The following ELAC1 variants were observed in gnomAD, a reference collection of about 807,000 sequenced individuals.
ELAC1 encodes the protein zinc phosphodiesterase ELAC protein 1.
ELAC1 carries 19 observed loss-of-function variants against 25.8 expected under a neutral mutation model. The ratio of observed to expected loss-of-function variants is 0.74; its 90% CI spans 0.51 to 1.08. The LOEUF (loss-of-function observed/expected upper bound fraction) is 1.08. Ranked by LOEUF, ELAC1 falls within the 50% of genes least tolerant of loss-of-function variation. The probability of loss-of-function intolerance (pLI) is 0.00; values close to 1 mark genes in which losing one functional copy is unlikely to be tolerated. For synonymous variants in ELAC1, 148 were observed against 160.9 expected (o/e 0.92, Z 0.61); for missense variants, 403 against 434.6 (o/e 0.93, Z 0.65).
In ELAC1 at chr18:50,974,577, G is replaced by A; in HGVS notation, c.157+16G>A. On this transcript the variant is annotated intron_variant, in intron 2 of 3. Coordinates refer to ENST00000269466, the MANE Select transcript of ELAC1 (RefSeq NM_018696.3). The stretch of plus-strand genomic sequence containing the variant: ...CTTAAAGCAGGTTAGTGTGCCTTCA[G>A]CTATCTCATTAAGATTTTTTTGTTG... 1 of 1,612,782 alleles carries A rather than the reference G, an allele frequency of 6.2e-7. No individual in the cohort carries two copies. The highest frequency in any genetic ancestry group is 8.5e-7 in the Non-Finnish European group (1 of 1,179,182).
rs1158598557 is a variant in ELAC1, at chr18:50,988,107, T to C, written c.*1022T>C. The C allele has an allele frequency of 6.6e-6, 1 of 152,236 alleles. No individual in the cohort carries two copies. Among genetic ancestry groups the C allele is most frequent in the African/African-American group, 2.4e-5 (1 of 41,458 alleles). The allele number at this position is 152,236 out of a possible 1,614,324, so 9.4% of individuals were successfully genotyped here. ...ATTGACGTGTCCCTATTAATAAACG[T>C]TATTTGCCCCACAATGTTTCTTAAA... On this transcript the variant is annotated 3_prime_UTR_variant, in exon 4 of 4. Transcript: ENST00000269466.
rs1908042142 is a variant in ELAC1, at chr18:50,984,347, G to C, written c.409G>C (p.Glu137Gln). The stretch of plus-strand genomic sequence containing the variant: ...TCAATGTCCTGCAGAAGAACTAAAA[G>C]AATTTGCGCATGTGAATAGAGCAGA... Reference protein sequence around the residue: ...ADQCPAEELKEFAHVNRADSP... With the variant: ...ADQCPAEELKQFAHVNRADSP... Residue 137 changes from glutamate (E) to glutamine (Q), a missense_variant, in exon 3 of 4, where the codon GAA (glutamate) becomes CAA (glutamine). Physicochemically the swap from Glu to Gln is conservative, Grantham distance 29 (BLOSUM62 2). Coordinates refer to ENST00000269466, the MANE Select transcript of ELAC1 (RefSeq NM_018696.3). The C allele has an allele frequency of 6.2e-7, 1 of 1,614,116 alleles. No homozygotes were observed. Among genetic ancestry groups the C allele is most frequent in the Non-Finnish European group, 8.5e-7 (1 of 1,180,044 alleles).
intron 2 of ELAC1, among the ~76,000 whole-genome samples, chr18:50,978,948 G>T (rs572777280): frequency 1.3e-5 from 2 of 152,294 alleles, no homozygotes; most frequent in Admixed American, 6.5e-5. Context: ...TAATTCAGGT[G>T]CTATTCTTTG....
chr18:50,969,356 A>G (rs1242488753), intron 1 of ELAC1: 2 of 152,212 alleles, frequency 1.3e-5, no homozygotes, highest in African/African-American at 2.4e-5. Context: ...ATAAGCAGGT[A>G]TTTAGACCTG....
In ELAC1 at chr18:50,987,319, A is replaced by G. The variant is rs887184167; in HGVS notation, c.*234A>G. On this transcript the variant is annotated 3_prime_UTR_variant, in exon 4 of 4. Transcript: ENST00000269466. ...CTTTTTGAAGTCCAGATTTGTCAAA[A>G]TGATAGACTATTCAGTTATACATCT... 2.6e-5 allele frequency: 10 copies of G among 385,114 alleles called. No homozygotes were observed. The highest frequency in any genetic ancestry group is 2.1e-4 in the African/African-American group (10 of 48,644). The allele number at this position is 385,114 out of a possible 1,614,324, so 23.9% of individuals were successfully genotyped here.
chr18:50,968,261 T>C (rs1315787667), intron 1 of ELAC1, 147 bp downstream of exon 1: 1 of 151,418 alleles, frequency 6.6e-6, no homozygotes, highest in African/African-American at 2.4e-5. Flanking sequence ...CGGGCCGGAG[T>C]CTCGGCGGGC....
intron 2 of ELAC1, among the ~76,000 whole-genome samples, chr18:50,981,452 A>G (rs568795903): frequency 1.3e-5 from 2 of 152,250 alleles, no homozygotes; most frequent in East Asian, 1.9e-4. Flanking sequence ...AATCCAGTCA[A>G]TATACCTATG....
chr18:50,969,483 C>G (rs967662677), intron 1 of ELAC1: 19 of 152,190 alleles, frequency 1.2e-4, no homozygotes, highest in African/African-American at 4.6e-4. Flanking sequence ...CTTTGTGGAC[C>G]TTTTATGTAC....
chr18:50,973,195 A>T (rs4940033), intron 1 of ELAC1, among the ~76,000 whole-genome samples: 1 of 152,166 alleles, frequency 6.6e-6, no homozygotes, highest in East Asian at 1.9e-4. Context: ...GTTTTTGTAT[A>T]TTTTATATCT....
intron 3 of ELAC1, among the ~76,000 whole-genome samples, 174 bp from the exon 4 acceptor site, chr18:50,986,445 C>T (rs1908110093): frequency 6.6e-6 from 1 of 152,178 alleles, no homozygotes; most frequent in Admixed American, 6.5e-5. Flanking sequence ...TTGCTAATAT[C>T]AATCAACACT....
At chr18:50,973,125 G>A (rs561388301) in intron 1 of ELAC1, among the ~76,000 whole-genome samples, 8 of 152,216 alleles carry the variant, frequency 5.3e-5, no homozygotes, top group African/African-American at 1.7e-4. Context: ...TCTTAGAATG[G>A]GTTTTTCCCC....
intron 1 of ELAC1, among the ~76,000 whole-genome samples, chr18:50,970,895 T>C (rs1907634182): frequency 6.6e-6 from 1 of 152,094 alleles, no homozygotes; most frequent in Admixed American, 6.6e-5. Flanking sequence ...TTTCTCTGTC[T>C]TACATAAATG....
rs192831184 is a variant in ELAC1 at position 50,971,784 on chromosome 18, C to T, written c.-8-2613C>T. 5.9e-4 allele frequency among the ~76,000 whole-genome samples: 89 copies of T among 150,974 alleles called. 1 individual carries two copies. In the East Asian group the frequency reaches 0.014, roughly 23 times the overall value. ...AACTTAAATTTTTTAAATAGATACA[C>T]GATAGTTGTTTGAACCCTTTTCATG... On this transcript the variant is annotated intron_variant, in intron 1 of 3. Transcript: ENST00000269466.
chr18:50,987,185 C>A lies in ELAC1; in HGVS notation c.*100C>A. On this transcript the variant is annotated 3_prime_UTR_variant, in exon 4 of 4. Coordinates refer to ENST00000269466, the MANE Select transcript of ELAC1 (RefSeq NM_018696.3). ...TTGTTTTAGTCTGAAATTATTTGGG[C>A]CCTAATAATCCTAAAAAGAATGGAG... 2 of 871,264 alleles carry A rather than the reference C, an allele frequency of 2.3e-6. No homozygotes were observed. The highest frequency in any genetic ancestry group is 3.2e-6 in the Non-Finnish European group (2 of 615,954). The allele number at this position is 871,264 out of a possible 1,614,324, so 54.0% of individuals were successfully genotyped here. A position where few individuals can be genotyped will look rare whatever the true frequency, so the allele number is the denominator to read the frequency against.
chr18:50,984,613 CT>C, intron 3 of ELAC1, 50 bp downstream of exon 3: 8 of 1,252,896 alleles, frequency 6.4e-6, no homozygotes, highest in Non-Finnish European at 9.1e-6. Context: ...ATCAATAGGG[CT>C]CCTGTTGACT....
At chr18:50,972,649 A>C (rs1907698260) in intron 1 of ELAC1, among the ~76,000 whole-genome samples, 1 of 151,972 alleles carries the variant, frequency 6.6e-6, no homozygotes, top group South Asian at 2.1e-4. Context: ...TGCACGACTA[A>C]TTTTTGTATT....
chr18:50,985,783 A>T (rs1253318451), intron 3 of ELAC1, among the ~76,000 whole-genome samples: 4 of 152,160 alleles, frequency 2.6e-5, no homozygotes, highest in Admixed American at 2.0e-4. Flanking sequence ...GTCATACTAT[A>T]CTAGTTTGTA....
rs965079130 is a variant in ELAC1 at position 50,984,732 on chromosome 18, G to C, written c.625+169G>C. 4 of 612,106 alleles carry C rather than the reference G, an allele frequency of 6.5e-6. No individual in the cohort carries two copies. The African/African-American group carries it at 7.4e-5, about 11-fold the overall frequency. 37.9% of individuals were successfully genotyped at this position (612,106 alleles called of 1,614,324 possible). ...GGATCACTTGAGTTCGGGAGTTCAA[G>C]ACCAGCCTGGGCAACATGGCGAAAC... On this transcript the variant is annotated intron_variant, in intron 3 of 3. Coordinates refer to ENST00000269466, the MANE Select transcript of ELAC1 (RefSeq NM_018696.3).
intron 1 of ELAC1, among the ~76,000 whole-genome samples, chr18:50,972,469 TTGTATGTA>T (rs571227087): frequency 1.1e-4 from 16 of 152,024 alleles, no homozygotes; most frequent in South Asian, 2.1e-4. Flanking sequence ...ATATTATTGT[TTGTATGTA>T]TGTATGTATG....
Sources: allele counts gnomAD v4.1 joint callset (sites outside exome capture counted in the v4.1 genomes callset), GRCh38; gene constraint gnomAD v4.1.1; transcripts MANE v1.5; gene names NCBI Gene and HGNC (gene_info 2026-07-23, HGNC 2026-07-21).